Variants in KCTD1 observed in about 807,000 individuals in gnomAD.
KCTD1 encodes BTB/POZ domain-containing protein KCTD1.
A neutral mutation model predicts 66.0 loss-of-function variants in KCTD1; 24 were observed. The observed-to-expected ratio is 0.36, with a 90% CI of 0.26 to 0.51. The LOEUF is 0.51. Among genes scored for constraint, KCTD1 ranks in the 20% least tolerant of loss-of-function variants. KCTD1 has a pLI of 0.95. For synonymous variants in KCTD1, 511 were observed against 517.2 expected (o/e 0.99, Z 0.16); for missense variants, 943 against 1,205.2 (o/e 0.78, Z 3.22).
intron 2 of KCTD1, among the ~76,000 whole-genome samples, chr18:26,483,664 T>C (rs147774220): frequency 8.3e-4 from 126 of 152,360 alleles, no homozygotes; most frequent in African/African-American, 3.0e-3. Context: ...CAACTTTTTT[T>C]CCTAATATCT....
At chr18:26,656,462 G>A (rs1206639422) in intron 1 of KCTD1, among the ~76,000 whole-genome samples, 4 of 151,982 alleles carry the variant, frequency 2.6e-5, no homozygotes, top group Admixed American at 6.5e-5. Context: ...GGGGAGGAGG[G>A]CTGGAGATGG....
chr18:26,647,540 AAAAAAAAAAAAAAAG>A (rs1987953327), intron 1 of KCTD1, among the ~76,000 whole-genome samples: 9 of 136,894 alleles, frequency 6.6e-5, no homozygotes, highest in African/African-American at 1.2e-4. Flanking sequence ...AAAAAAAAAA[AAAAAAAAAAAAAAAG>A]GGCTGAATTC....
At chr18:26,501,307 A>C in intron 1 of KCTD1, 57 bp from the exon 2 acceptor site, 1 of 1,433,472 alleles carries the variant, frequency 7.0e-7, no homozygotes, top group South Asian at 1.3e-5. Context: ...AAAGATAGGA[A>C]ATACATATAG....
upstream of KCTD1, among the ~76,000 whole-genome samples, chr18:26,633,675 A>G (rs1004349930): frequency 3.9e-5 from 6 of 152,220 alleles, no homozygotes; most frequent in Non-Finnish European, 8.8e-5. Context: ...TGTCAACTCA[A>G]TAGAAAAATG....
At position 26,571,910 on chromosome 18, in the gene KCTD1, G is replaced by C. The variant is rs1266292160; in HGVS notation, c.-16+57237C>G. Among the ~76,000 whole-genome samples the C allele has an allele frequency of 2.0e-5, 3 of 152,128 alleles. No homozygotes were observed. In the East Asian group the frequency reaches 5.8e-4, roughly 29 times the overall value. ...ACAATGGTATGAAGTGTTTGGTGTA[G>C]AAGTCAAGAAGAACAAATTAACCCA... On this transcript the variant is annotated intron_variant, in intron 1 of 4. Transcript: ENST00000317932.
intron 1 of KCTD1, among the ~76,000 whole-genome samples, chr18:26,627,377 C>T (rs959494991): frequency 6.6e-6 from 1 of 151,972 alleles, no homozygotes; most frequent in African/African-American, 2.4e-5. Flanking sequence ...TACTGTTTCG[C>T]TACCAGGGTG....
At chr18:26,651,270 A>G (rs1038674262) in intron 1 of KCTD1, among the ~76,000 whole-genome samples, 4 of 152,258 alleles carry the variant, frequency 2.6e-5, no homozygotes, top group African/African-American at 9.6e-5. Context: ...TATGTCCTGG[A>G]CAGAAAGGAC....
At chr18:26,606,502 G>A (rs1987019052) in intron 1 of KCTD1, among the ~76,000 whole-genome samples, 1 of 152,216 alleles carries the variant, frequency 6.6e-6, no homozygotes, top group African/African-American at 2.4e-5. Context: ...ACTTGCTGGG[G>A]CAATGGAATG....
At chr18:26,584,883 G>A (rs965143350) in intron 1 of KCTD1, among the ~76,000 whole-genome samples, 1 of 152,124 alleles carries the variant, frequency 6.6e-6, no homozygotes, top group Non-Finnish European at 1.5e-5. Context: ...CATGGATAAC[G>A]GCATGTATAA....
chr18:26,634,838 C>A (rs1987690494), intron 1 of KCTD1, among the ~76,000 whole-genome samples: 1 of 152,124 alleles, frequency 6.6e-6, no homozygotes, highest in African/African-American at 2.4e-5. Flanking sequence ...ATTGGCCAAC[C>A]ATGGATCTGA....
Position 26,548,463 on chromosome 18 carries a change from G to C in KCTD1, c.74C>G (p.Ala25Gly). ...GGSASAAAAA[A>G]ENNGERGEGE... ...CTCGCCCCGCTCCCCATTGTTCTCG[G>C]CGGCGGCGGCGGCAGCGCTGGCGCT... Residue 25 changes from alanine (A) to glycine (G), a missense_variant, in exon 1 of 5, where the codon GCC becomes GGC. Physicochemically the swap from Ala to Gly is moderately conservative, Grantham distance 60 (BLOSUM62 0). This residue lies in a region of KCTD1 where 236 missense variants were observed against 206.6 expected (regional missense o/e 1.14). Transcript: ENST00000580059. 2 of 1,260,294 alleles carry C rather than the reference G, an allele frequency of 1.6e-6. No individual in the cohort carries two copies. The highest frequency in any genetic ancestry group is 6.9e-5 in the South Asian group (2 of 28,816). 78.1% of individuals were successfully genotyped at this position (1,260,294 alleles called of 1,614,324 possible).
intron 1 of KCTD1, among the ~76,000 whole-genome samples, chr18:26,584,595 C>CA (rs1986431236): frequency 6.6e-6 from 1 of 152,186 alleles, no homozygotes; most frequent in African/African-American, 2.4e-5. Context: ...TGAGCTGGGT[C>CA]CAGGAGGTAT....
intron 1 of KCTD1, among the ~76,000 whole-genome samples, chr18:26,512,346 G>A (rs963393810): frequency 2.4e-4 from 37 of 151,854 alleles, no homozygotes; most frequent in African/African-American, 8.0e-4. Context: ...CAGGCAATCC[G>A]CCTGCCTCTG....
At chr18:26,496,664 G>A (rs1982486862) in intron 2 of KCTD1, among the ~76,000 whole-genome samples, 1 of 151,968 alleles carries the variant, frequency 6.6e-6, no homozygotes, top group Non-Finnish European at 1.5e-5. Flanking sequence ...CAACATGAGT[G>A]GCTAACCTTG....
At chr18:26,626,900 C>A (rs1598973471) in intron 1 of KCTD1, among the ~76,000 whole-genome samples, 2 of 152,270 alleles carry the variant, frequency 1.3e-5, no homozygotes, top group African/African-American at 4.8e-5. Context: ...ATTACAAGAA[C>A]AGAAAGGAGC....
At chr18:26,495,574 A>C (rs1375538928) in intron 2 of KCTD1, among the ~76,000 whole-genome samples, 1 of 152,148 alleles carries the variant, frequency 6.6e-6, no homozygotes, top group African/African-American at 2.4e-5. Context: ...TTACCTACAT[A>C]TGCCAGCATG....
At chr18:26,605,709 C>T (rs1986996103) in intron 1 of KCTD1, among the ~76,000 whole-genome samples, 1 of 135,450 alleles carries the variant, frequency 7.4e-6, no homozygotes, top group Non-Finnish European at 1.6e-5. Flanking sequence ...CTAAATACAC[C>T]ATATATATAT....
upstream of KCTD1, chr18:26,549,063 G>A (rs1047293357): frequency 9.1e-6 from 9 of 985,158 alleles, no homozygotes; most frequent in Admixed American, 1.8e-4. Context: ...CGGGCCGCGG[G>A]TGCTGCCGCG....
chr18:26,639,863 G>A (rs1187651268), intron 1 of KCTD1, among the ~76,000 whole-genome samples: 1 of 152,164 alleles, frequency 6.6e-6, no homozygotes, highest in East Asian at 1.9e-4. Flanking sequence ...GAATCCTTGG[G>A]CCACACTGCT....
Sources: allele counts gnomAD v4.1 joint callset (sites outside exome capture counted in the v4.1 genomes callset), GRCh38; gene constraint gnomAD v4.1.1; regional missense constraint gnomAD v4.1.1; transcripts MANE v1.5; gene names NCBI Gene and HGNC (gene_info 2026-07-23, HGNC 2026-07-21).